Variants in C8orf34 observed in about 807,000 individuals in gnomAD.
The protein encoded by C8orf34 is uncharacterized protein C8orf34.
A neutral mutation model predicts 68.3 loss-of-function variants in C8orf34; 65 were observed. The observed-to-expected ratio is 0.95, with a 90% CI of 0.78 to 1.17. C8orf34 has a LOEUF of 1.17. C8orf34 is among the 50% of genes most tolerant of loss of function. The pLI is 0.00. For missense variants in C8orf34, 664 were observed against 655.4 expected (o/e 1.01, Z -0.14); for synonymous variants, 244 against 241.2 (o/e 1.01, Z -0.11).
intron 7 of C8orf34, among the ~76,000 whole-genome samples, chr8:68,610,539 G>C (rs1254369934): frequency 6.6e-6 from 1 of 152,078 alleles, no homozygotes; most frequent in Non-Finnish European, 1.5e-5. Flanking sequence ...GATAATTAAA[G>C]ACAGGCAAAC....
At chr8:68,344,012 C>T (rs145566884) in intron 1 of C8orf34, among the ~76,000 whole-genome samples, 5 of 152,172 alleles carry the variant, frequency 3.3e-5, no homozygotes, top group Non-Finnish European at 7.4e-5. Context: ...CAGGTGTGAG[C>T]CAATATTGTT....
intron 1 of C8orf34, among the ~76,000 whole-genome samples, chr8:68,379,371 T>G (rs896071174): frequency 2.6e-5 from 4 of 152,224 alleles, no homozygotes; most frequent in East Asian, 3.8e-4. Context: ...GAAGGATCTG[T>G]TTCCTTTCCC....
intron 8 of C8orf34, among the ~76,000 whole-genome samples, chr8:68,704,636 A>C (rs1821113258): frequency 6.6e-6 from 1 of 152,120 alleles, no homozygotes; most frequent in Admixed American, 6.6e-5. Flanking sequence ...CTCTCTCTCC[A>C]AAAAAGATCA....
chr8:68,383,747 G>T (rs1808142031), intron 1 of C8orf34, among the ~76,000 whole-genome samples: 2 of 152,196 alleles, frequency 1.3e-5, no homozygotes, highest in Admixed American at 1.3e-4. Flanking sequence ...CTTGTGCTGA[G>T]AATTGCTCAT....
chr8:68,728,909 C>A (rs1821907572), intron 10 of C8orf34, among the ~76,000 whole-genome samples: 1 of 152,188 alleles, frequency 6.6e-6, no homozygotes, highest in African/African-American at 2.4e-5. Context: ...TCTACTTCTA[C>A]TCACAAGTAG....
intron 9 of C8orf34, 25 bp downstream of exon 9, chr8:68,709,104 T>C (rs1355714194): frequency 6.5e-7 from 1 of 1,543,998 alleles, no homozygotes; most frequent in African/African-American, 1.4e-5. Context: ...CAACAATATT[T>C]ATTGCAGTTC....
intron 3 of C8orf34, among the ~76,000 whole-genome samples, chr8:68,464,396 T>A (rs1369027502): frequency 6.6e-6 from 1 of 152,046 alleles, no homozygotes; most frequent in Non-Finnish European, 1.5e-5. Flanking sequence ...ATAGATTCAA[T>A]GCCATCCCCA....
chr8:68,491,873 T>G (rs1389875447), intron 5 of C8orf34, among the ~76,000 whole-genome samples: 3 of 152,160 alleles, frequency 2.0e-5, no homozygotes, highest in Non-Finnish European at 4.4e-5. Flanking sequence ...CTGTATGTGG[T>G]TCTTCAAGCT....
chr8:68,708,533 T>A (rs1821237625), intron 8 of C8orf34, among the ~76,000 whole-genome samples: 1 of 152,170 alleles, frequency 6.6e-6, no homozygotes, highest in Admixed American at 6.5e-5. Flanking sequence ...CTGAGACATA[T>A]CTCGACCCAC....
chr8:68,528,625 C>A (rs1321091842), intron 6 of C8orf34, among the ~76,000 whole-genome samples: 3 of 152,222 alleles, frequency 2.0e-5, no homozygotes, highest in African/African-American at 7.2e-5. Flanking sequence ...CATGGCCACA[C>A]TGGCCAGTAT....
chr8:68,416,671 C>T (rs1368355124), intron 1 of C8orf34, among the ~76,000 whole-genome samples: 3 of 151,986 alleles, frequency 2.0e-5, no homozygotes, highest in Non-Finnish European at 4.4e-5. Context: ...GCTGGGATTA[C>T]AGGTAGATGT....
intron 8 of C8orf34, among the ~76,000 whole-genome samples, chr8:68,649,407 G>C (rs1175124244): frequency 4.6e-5 from 7 of 152,188 alleles, no homozygotes; most frequent in Admixed American, 3.3e-4. Context: ...CAAAATGTCA[G>C]ATGACGATAG....
chr8:68,331,161 T>G lies in C8orf34; in HGVS notation c.149T>G (p.Leu50Arg). Reference protein sequence around the residue: ...GRASHAGQPRLRSSCPGPSPG... With the variant: ...GRASHAGQPRRRSSCPGPSPG... ...GCCAGCCACGCAGGGCAGCCGAGGC[T>G]CCGGAGCTCCTGTCCCGGCCCCAGT... The change falls in exon 1 of 14, where the codon CTC (leucine) becomes CGC (arginine). Residue 50 changes from leucine to arginine, a missense_variant. Physicochemically the swap from Leu to Arg is moderately radical, Grantham distance 102. Transcript: ENST00000518698. 2 of 1,529,036 alleles carry G rather than the reference T, an allele frequency of 1.3e-6. No homozygotes were observed. The highest frequency in any genetic ancestry group is 1.8e-6 in the Non-Finnish European group (2 of 1,141,972). 94.7% of individuals were successfully genotyped at this position (1,529,036 alleles called of 1,614,324 possible).
At chr8:68,615,621 T>C (rs952230724) in intron 7 of C8orf34, among the ~76,000 whole-genome samples, 3 of 152,366 alleles carry the variant, frequency 2.0e-5, no homozygotes, top group African/African-American at 7.2e-5. Context: ...GAACCAGTCT[T>C]GCATCCCAGG....
At chr8:68,404,103 G>A (rs569845839) in intron 1 of C8orf34, among the ~76,000 whole-genome samples, 142 of 152,228 alleles carry the variant, frequency 9.3e-4, no homozygotes, top group African/African-American at 3.2e-3. Context: ...TTGTGGTTTT[G>A]ATTTGCATTT....
At chr8:68,458,725 T>C (rs1811657263) in intron 3 of C8orf34, among the ~76,000 whole-genome samples, 2 of 152,290 alleles carry the variant, frequency 1.3e-5, no homozygotes, top group South Asian at 2.1e-4. Flanking sequence ...GAGGTAGCGG[T>C]CATGGGCCTC....
chr8:68,640,940 T>C (rs1487045641), intron 8 of C8orf34, among the ~76,000 whole-genome samples: 1 of 152,202 alleles, frequency 6.6e-6, no homozygotes, highest in Non-Finnish European at 1.5e-5. Flanking sequence ...CTGGAAAGAA[T>C]TTAATCAGCT....
At chr8:68,680,553 G>T (rs1007784934) in intron 8 of C8orf34, among the ~76,000 whole-genome samples, 3 of 152,078 alleles carry the variant, frequency 2.0e-5, no homozygotes, top group African/African-American at 7.2e-5. Flanking sequence ...AAAACAGGGA[G>T]TAGCTACAAA....
intron 12 of C8orf34, among the ~76,000 whole-genome samples, chr8:68,808,554 AAT>A (rs371155202): frequency 6.0e-5 from 9 of 150,128 alleles, no homozygotes; most frequent in South Asian, 2.1e-4. Context: ...ATCAAAAAAT[AAT>A]ATATATATAT....
Sources: gnomAD v4.1 joint callset for allele counts (sites outside exome capture counted in the v4.1 genomes callset) on GRCh38, gnomAD v4.1.1 for gene constraint, MANE v1.5 for transcripts, NCBI Gene and HGNC (gene_info 2026-07-23, HGNC 2026-07-21) for gene names.